NETO1: variants seen among roughly 807,000 people sequenced by gnomAD.
NETO1 encodes neuropilin and tolloid-like protein 1.
Under a neutral mutation model 61.3 loss-of-function variants are expected in NETO1, and 26 were observed. The ratio of observed to expected loss-of-function variants is 0.42; its 90% CI spans 0.31 to 0.59. NETO1 has a LOEUF of 0.59. Ranked by LOEUF, NETO1 falls within the 20% of genes least tolerant of loss-of-function variation. The pLI is 0.12. For missense variants in NETO1, 531 were observed against 662.8 expected (o/e 0.80, Z 2.18); for synonymous variants, 225 against 225.8 (o/e 1.00, Z 0.03).
chr18:72,756,560 A>G (rs1377764459), intron 7 of NETO1, among the ~76,000 whole-genome samples: 1 of 152,184 alleles, frequency 6.6e-6, no homozygotes, highest in Admixed American at 6.5e-5. Context: ...AAAAACATAT[A>G]CTTACCAAGT....
chr18:72,783,448 G>C (rs963433355), intron 7 of NETO1, among the ~76,000 whole-genome samples: 6 of 152,224 alleles, frequency 3.9e-5, no homozygotes, highest in African/African-American at 1.4e-4. Flanking sequence ...AGTGTGAACT[G>C]TCTTAAGAAA....
chr18:72,855,816 T>C (rs2074396614), intron 4 of NETO1, among the ~76,000 whole-genome samples: 1 of 152,186 alleles, frequency 6.6e-6, no homozygotes, highest in Non-Finnish European at 1.5e-5. Context: ...AAACCACCAT[T>C]GGAAGAAACA....
intron 7 of NETO1, among the ~76,000 whole-genome samples, chr18:72,782,756 A>T (rs1309429641): frequency 6.6e-6 from 1 of 152,128 alleles, no homozygotes; most frequent in East Asian, 1.9e-4. Flanking sequence ...GTGAGCTGAG[A>T]TCGCACCGTC....
chr18:72,768,121 T>C (rs967110475), intron 7 of NETO1, among the ~76,000 whole-genome samples: 3 of 152,228 alleles, frequency 2.0e-5, no homozygotes, highest in African/African-American at 7.2e-5. Context: ...AGCAAAACAA[T>C]TTTCTGAAAT....
At chr18:72,756,585 T>C (rs1240772118) in intron 7 of NETO1, among the ~76,000 whole-genome samples, 1 of 151,932 alleles carries the variant, frequency 6.6e-6, no homozygotes, top group South Asian at 2.1e-4. Flanking sequence ...ATGAATAACA[T>C]ACACTAAAGC....
intron 7 of NETO1, among the ~76,000 whole-genome samples, chr18:72,766,036 ATC>A (rs1014826767): frequency 1.3e-5 from 2 of 152,010 alleles, no homozygotes; most frequent in African/African-American, 4.8e-5. Context: ...GTGAGAACTC[ATC>A]TCTACTAAAA....
At position 72,805,079 on chromosome 18, in the gene NETO1, TAC is replaced by T. The variant is rs375082527; in HGVS notation, c.470-10677_470-10676del. Among the ~76,000 whole-genome samples the T allele has an allele frequency of 2.0e-3, 310 of 152,330 alleles. 1 individual carries two copies. The highest frequency in any genetic ancestry group is 7.0e-3 in the African/African-American group (291 of 41,582). ...AAATGTGGAAAAACTAAAGCCATGT[TAC>T]AGTGTTGTTCATAAACCTCAAAAAT... On this transcript the variant is annotated intron_variant, in intron 4 of 10. Coordinates refer to ENST00000327305, the MANE Select transcript of NETO1 (RefSeq NM_138966.5).
At chr18:72,818,239 T>C (rs1440008743) in intron 4 of NETO1, among the ~76,000 whole-genome samples, 1 of 152,226 alleles carries the variant, frequency 6.6e-6, no homozygotes, top group Non-Finnish European at 1.5e-5. Context: ...ATGCTGTCTA[T>C]TCACTGTTAG....
Position 72,757,139 on chromosome 18 carries a change from C to G in NETO1, c.869-992G>C, listed in dbSNP as rs180793445. 1.3e-4 allele frequency among the ~76,000 whole-genome samples: 20 copies of G among 152,036 alleles called. No homozygotes were observed. The East Asian group carries it at 3.9e-3, about 29-fold the overall frequency. ...TACAATCCTTTTAAGGACAGGCATT[C>G]TAGCAAAATCTATTGCACATGAAAC... is the stretch of plus-strand genomic sequence containing the variant. On this transcript the variant is annotated intron_variant, in intron 7 of 10. Transcript: ENST00000327305.
intron 7 of NETO1, among the ~76,000 whole-genome samples, chr18:72,776,432 C>G (rs938387082): frequency 2.0e-5 from 3 of 152,142 alleles, no homozygotes; most frequent in Admixed American, 6.5e-5. Context: ...GACAAAGAAA[C>G]CAAACCATGG....
At chr18:72,748,855 A>G (rs935549297) in intron 10 of NETO1, among the ~76,000 whole-genome samples, 159 bp downstream of exon 10, 1 of 152,148 alleles carries the variant, frequency 6.6e-6, no homozygotes, top group Non-Finnish European at 1.5e-5. Flanking sequence ...CATCTCTCCT[A>G]TAAACACTGA....
Position 72,819,375 on chromosome 18 carries a change from C to A in NETO1, c.470-24971G>T, listed in dbSNP as rs183856654. ...TCCTTGTGTTACAAAAAAGGATGGG[C>A]TTCTAAAGAGCTCTATAATTGCTGA... On this transcript the variant is annotated intron_variant, in intron 4 of 10. Coordinates refer to ENST00000327305, the MANE Select transcript of NETO1 (RefSeq NM_138966.5). Among the ~76,000 whole-genome samples, 423 of 152,228 alleles carry A rather than the reference C, an allele frequency of 2.8e-3. 3 individuals are homozygous for A. Among genetic ancestry groups the A allele is most frequent in the African/African-American group, 9.9e-3 (413 of 41,540 alleles).
At chr18:72,762,338 C>A (rs1231162548) in intron 7 of NETO1, among the ~76,000 whole-genome samples, 1 of 152,038 alleles carries the variant, frequency 6.6e-6, no homozygotes, top group Admixed American at 6.6e-5. Flanking sequence ...ACTGAGAATA[C>A]ACTTTTTAAT....
intron 4 of NETO1, among the ~76,000 whole-genome samples, chr18:72,826,444 T>C (rs971424788): frequency 6.6e-6 from 1 of 152,184 alleles, no homozygotes; most frequent in Non-Finnish European, 1.5e-5. Context: ...AATTCTTTTC[T>C]CGTGTTTTTT....
In NETO1 at chr18:72,794,208, A is replaced by C; in HGVS notation, c.548T>G (p.Val183Gly). 1 of 1,614,204 alleles carries C rather than the reference A, an allele frequency of 6.2e-7. No homozygotes were observed. Among genetic ancestry groups the C allele is most frequent in the Non-Finnish European group, 8.5e-7 (1 of 1,180,032 alleles). Residue 183 changes from valine (V) to glycine (G), a missense_variant, in exon 6 of 11, where the codon GTG becomes GGG. Coordinates refer to ENST00000327305, the MANE Select transcript of NETO1 (RefSeq NM_138966.5). ...EFEMGGSEGI[V>G]ESIQIMKEGK... Reference sequence around the variant, plus strand: ...TTCCTTCATAATTTGTATAGACTCCACAATTCCTTCGGAACCGCCCATCTC... The same window carrying C: ...TTCCTTCATAATTTGTATAGACTCCCCAATTCCTTCGGAACCGCCCATCTC...
intron 4 of NETO1, among the ~76,000 whole-genome samples, chr18:72,795,232 G>C: frequency 6.6e-6 from 1 of 152,198 alleles, no homozygotes. Context: ...GAAATATAAA[G>C]ATGAGCCTTT....
At chr18:72,862,612 C>CTTTTTTTTCTT (rs1568275640) in intron 3 of NETO1, among the ~76,000 whole-genome samples, 3 of 106,898 alleles carry the variant, frequency 2.8e-5, no homozygotes, top group African/African-American at 8.5e-5. Context: ...ACTCATGATC[C>CTTTTTTTTCTT]TTTTTTTTTC....
chr18:72,836,292 C>G (rs915561348), intron 4 of NETO1, among the ~76,000 whole-genome samples: 4 of 152,160 alleles, frequency 2.6e-5, no homozygotes, highest in Admixed American at 2.0e-4. Context: ...AACCTATCAA[C>G]CTCAACTTGA....
At position 72,750,578 on chromosome 18, in the gene NETO1, C is replaced by T. The variant is rs1458232813; in HGVS notation, c.1025G>A (p.Ser342Asn). The T allele has an allele frequency of 2.5e-6, 4 of 1,611,366 alleles. No individual in the cohort carries two copies. The highest frequency in any genetic ancestry group is 3.4e-6 in the Non-Finnish European group (4 of 1,179,786). The change falls in exon 9 of 11, where the codon AGT (serine) becomes AAT (asparagine). Residue 342 changes from serine (S) to asparagine (N), a missense_variant. Ser to Asn is a conservative substitution (Grantham distance 46, BLOSUM62 1). Coordinates refer to ENST00000327305, the MANE Select transcript of NETO1 (RefSeq NM_138966.5). ...TSLLDQLTNT[S>N]GTVIGVTSCI... ...GGAAGTCACGCCAATGACAGTCCCA[C>T]TGGTGTTGGTCAGCTGGTCCAGCAG...
Sources: allele counts gnomAD v4.1 joint callset (sites outside exome capture counted in the v4.1 genomes callset), GRCh38; gene constraint gnomAD v4.1.1; transcripts MANE v1.5; gene names NCBI Gene and HGNC (gene_info 2026-07-23, HGNC 2026-07-21).